The following THSD7A variants were observed in gnomAD, a reference collection of about 807,000 sequenced individuals.
The protein encoded by THSD7A is thrombospondin type 1 domain containing 7A.
THSD7A carries 96 observed loss-of-function variants against 231.3 expected under a neutral mutation model. That is an observed-to-expected ratio of 0.41 (90% CI 0.35 to 0.49). The LOEUF is 0.49. Ranked by LOEUF, THSD7A falls within the 20% of genes least tolerant of loss-of-function variation. The pLI is 0.05. For missense variants in THSD7A, 2,290 were observed against 2,070.2 expected, an observed-to-expected ratio of 1.11 and a Z score of -2.06; for synonymous variants, 940 against 743.3, an observed-to-expected ratio of 1.26 and a Z score of -4.30.
intron 1 of THSD7A, among the ~76,000 whole-genome samples, chr7:11,722,820 G>T (rs1002336407): frequency 2.6e-5 from 4 of 151,920 alleles, no homozygotes; most frequent in African/African-American, 9.7e-5. Context: ...TAAAAAGTCA[G>T]GAAACAACAC....
At chr7:11,711,003 C>G (rs1780942348) in intron 1 of THSD7A, among the ~76,000 whole-genome samples, 1 of 150,792 alleles carries the variant, frequency 6.6e-6, no homozygotes, top group South Asian at 2.1e-4. Context: ...AATAATGTGT[C>G]TATTAAATAG....
intron 1 of THSD7A, among the ~76,000 whole-genome samples, chr7:11,781,086 G>T (rs1218674594): frequency 1.4e-5 from 2 of 141,924 alleles, no homozygotes; most frequent in Non-Finnish European, 1.5e-5. Flanking sequence ...AGGATCAAAA[G>T]TTACATGCTG....
chr7:11,648,934 C>G (rs1451250733), intron 1 of THSD7A, among the ~76,000 whole-genome samples: 1 of 151,912 alleles, frequency 6.6e-6, no homozygotes, highest in Non-Finnish European at 1.5e-5. Context: ...TGTCAGGATG[C>G]AGAGAGGCTG....
intron 1 of THSD7A, among the ~76,000 whole-genome samples, chr7:11,787,662 C>A (rs1047970649): frequency 6.6e-6 from 1 of 152,042 alleles, no homozygotes; most frequent in Non-Finnish European, 1.5e-5. Context: ...AGATGTTTCA[C>A]ATCCTATGTC....
At chr7:11,676,144 G>A (rs889205702) in intron 1 of THSD7A, among the ~76,000 whole-genome samples, 1 of 152,132 alleles carries the variant, frequency 6.6e-6, no homozygotes, top group Non-Finnish European at 1.5e-5. Context: ...TGGACCTCCA[G>A]CAAACTCCAG....
chr7:11,672,751 G>A (rs929447905), intron 1 of THSD7A, among the ~76,000 whole-genome samples: 4 of 152,020 alleles, frequency 2.6e-5, no homozygotes, highest in East Asian at 1.9e-4. Flanking sequence ...TGGAACTGGA[G>A]GCATAAGGAA....
At chr7:11,523,854 T>A (rs1374382952) in intron 6 of THSD7A, among the ~76,000 whole-genome samples, 1 of 152,150 alleles carries the variant, frequency 6.6e-6, no homozygotes, top group Non-Finnish European at 1.5e-5. Context: ...ATTTCATTCT[T>A]CTGCCTTTAG....
At chr7:11,768,147 A>T (rs1291662517) in intron 1 of THSD7A, among the ~76,000 whole-genome samples, 1 of 152,172 alleles carries the variant, frequency 6.6e-6, no homozygotes, top group African/African-American at 2.4e-5. Flanking sequence ...ACTTGGCAGG[A>T]CTATTCAGTA....
chr7:11,600,614 G>A (rs1780517481), intron 2 of THSD7A, among the ~76,000 whole-genome samples: 1 of 152,108 alleles, frequency 6.6e-6, no homozygotes, highest in African/African-American at 2.4e-5. Flanking sequence ...TTTAACTCTT[G>A]CGCATTCTCA....
chr7:11,416,960 T>C (rs1414597934), intron 17 of THSD7A, among the ~76,000 whole-genome samples: 1 of 152,210 alleles, frequency 6.6e-6, no homozygotes, highest in Non-Finnish European at 1.5e-5. Flanking sequence ...CTTAGTTTCT[T>C]ACCCAGTATC....
At chr7:11,380,392 G>A (rs965530062) in intron 24 of THSD7A, among the ~76,000 whole-genome samples, 7 of 152,122 alleles carry the variant, frequency 4.6e-5, no homozygotes, top group African/African-American at 7.2e-5. Flanking sequence ...CATTGGTGAC[G>A]TGAAGGAAGC....
intron 1 of THSD7A, among the ~76,000 whole-genome samples, chr7:11,753,430 C>T (rs981238311): frequency 6.6e-6 from 1 of 152,006 alleles, no homozygotes; most frequent in South Asian, 2.1e-4. Context: ...ACCTGACAGC[C>T]TCTCCCAGCA....
rs1216712167 is a variant in THSD7A at position 11,406,546 on chromosome 7, C to T, written c.4063-72G>A. 1 of 1,404,278 alleles carries T rather than the reference C, an allele frequency of 7.1e-7. No individual in the cohort carries two copies. The highest frequency in any genetic ancestry group is 1.5e-5 in the African/African-American group (1 of 68,900). 87.0% of individuals were successfully genotyped at this position (1,404,278 alleles called of 1,614,324 possible). On this transcript the variant is annotated intron_variant, in intron 21 of 27. Coordinates refer to ENST00000423059, the MANE Select transcript of THSD7A (RefSeq NM_015204.3). The surrounding 1 kb of genome is among the most constrained non-coding windows in gnomAD (Gnocchi z 4.7). ...ATTAGAGAGCTCATCACTTAGTTATCTCTGCACCACTGACTTTGATTTATG... is the reference window on the plus strand; with the variant it reads ...ATTAGAGAGCTCATCACTTAGTTATTTCTGCACCACTGACTTTGATTTATG...
intron 16 of THSD7A, among the ~76,000 whole-genome samples, chr7:11,423,429 C>G (rs891739739): frequency 6.9e-6 from 1 of 144,996 alleles, no homozygotes; most frequent in African/African-American, 2.6e-5. Context: ...AGTGCAGTGG[C>G]GCGATCTCGG....
At chr7:11,417,369 A>G (rs1227370490) in intron 17 of THSD7A, 81 bp downstream of exon 17, 4 of 1,311,368 alleles carry the variant, frequency 3.1e-6, no homozygotes, top group Admixed American at 3.1e-5. Flanking sequence ...AAGTTATTAT[A>G]TTCAAAAAAT....
At chr7:11,631,665 A>AT (rs1781659288) in intron 2 of THSD7A, among the ~76,000 whole-genome samples, 1 of 152,166 alleles carries the variant, frequency 6.6e-6, no homozygotes, top group Non-Finnish European at 1.5e-5. Flanking sequence ...AGAAAAAAAA[A>AT]CAAACACAAA....
At chr7:11,721,710 C>T (rs1277093070) in intron 1 of THSD7A, among the ~76,000 whole-genome samples, 2 of 151,838 alleles carry the variant, frequency 1.3e-5, no homozygotes, top group Non-Finnish European at 2.9e-5. Flanking sequence ...TTCATCCTTG[C>T]CTCTCTTTAA....
Position 11,735,471 on chromosome 7 carries a change from C to T in THSD7A, c.190+96286G>A, listed in dbSNP as rs1025895820. On this transcript the variant is annotated intron_variant, in intron 1 of 27. Transcript: ENST00000423059. Reference sequence around the variant, plus strand: ...TTATTTGAAATCTTGCATAAAATTACCTTCAGGCTATGTGTGTAAGGTGTA... The same window carrying T: ...TTATTTGAAATCTTGCATAAAATTATCTTCAGGCTATGTGTGTAAGGTGTA... 2.0e-5 allele frequency among the ~76,000 whole-genome samples: 3 copies of T among 151,850 alleles called. No individual in the cohort carries two copies. In the East Asian group the frequency reaches 5.8e-4, roughly 29 times the overall value.
At chr7:11,494,998 T>C (rs1787041779) in intron 6 of THSD7A, among the ~76,000 whole-genome samples, 1 of 152,078 alleles carries the variant, frequency 6.6e-6, no homozygotes, top group Non-Finnish European at 1.5e-5. Context: ...AGAAGACTTT[T>C]CATAAATGGA....
Sources: allele counts gnomAD v4.1 joint callset (sites outside exome capture counted in the v4.1 genomes callset), GRCh38; gene constraint gnomAD v4.1.1; non-coding constraint Gnocchi (gnomAD v3.1); transcripts MANE v1.5; gene names NCBI Gene and HGNC (gene_info 2026-07-23, HGNC 2026-07-21).